The following EPB41L3 variants were observed in gnomAD, a reference collection of about 807,000 sequenced individuals.
EPB41L3 encodes the protein band 4.1-like protein 3.
EPB41L3 carries 57 observed loss-of-function variants against 127.1 expected under a neutral mutation model. The observed-to-expected ratio is 0.45, with a 90% CI of 0.36 to 0.56. The LOEUF (loss-of-function observed/expected upper bound fraction) is 0.56. Among genes scored for constraint, EPB41L3 ranks in the 20% least tolerant of loss-of-function variants. EPB41L3 has a pLI of 0.00. For missense variants in EPB41L3, 1,273 were observed against 1,372.2 expected (o/e 0.93, Z 1.14); for synonymous variants, 572 against 549.5 (o/e 1.04, Z -0.57).
chr18:5,585,344 C>T lies in EPB41L3; in HGVS notation c.-306+26996G>A, dbSNP rs899701729. 4.6e-5 allele frequency among the ~76,000 whole-genome samples: 7 copies of T among 152,064 alleles called. No homozygotes were observed. The East Asian group carries it at 1.4e-3, about 29-fold the overall frequency. ...GTTGTTGTTTTTTGTTTTTGAGTCG[C>T]CCAGGCTGGAGTGCCGTAGTGCGAT... On this transcript the variant is annotated intron_variant, in intron 3 of 21. Transcript: ENST00000545076.
intron 13 of EPB41L3, among the ~76,000 whole-genome samples, chr18:5,414,498 A>G (rs2076557804): frequency 1.3e-5 from 2 of 152,158 alleles, no homozygotes; most frequent in Non-Finnish European, 2.9e-5. Flanking sequence ...ATATAATACT[A>G]TATACTCACA....
chr18:5,501,858 A>G (rs982577258), intron 1 of EPB41L3, among the ~76,000 whole-genome samples: 2 of 152,170 alleles, frequency 1.3e-5, no homozygotes, highest in African/African-American at 4.8e-5. Flanking sequence ...CTGGCACACA[A>G]ATGAGTCGCC....
At chr18:5,447,237 T>C (rs533726397) in intron 3 of EPB41L3, among the ~76,000 whole-genome samples, 1 of 152,188 alleles carries the variant, frequency 6.6e-6, no homozygotes, top group Non-Finnish European at 1.5e-5. Context: ...AGTGGTGGCA[T>C]ATATTAAGCA....
Position 5,394,688 on chromosome 18 carries a change from C to T in EPB41L3, c.3259G>A (p.Asp1087Asn). 6.2e-7 allele frequency: 1 copy of T among 1,613,830 alleles called. No individual in the cohort carries two copies. Among genetic ancestry groups the T allele is most frequent in the South Asian group, 1.1e-5 (1 of 91,074 alleles). ...ETEITPEDGED is the reference protein window; with the variant it reads ...ETEITPEDGEN ...GCATCACCTCTTACCTCTGGTCAAT[C>T]CTCTCCATCTTCTGGTGTGATCTCT... The change falls in exon 22 of 23, where the codon GAT becomes AAT. Residue 1087 changes from aspartate to asparagine, a missense_variant. Physicochemically the swap from Asp to Asn is conservative, Grantham distance 23. This residue lies in a region of EPB41L3 where 765 missense variants were observed against 782.9 expected (regional missense o/e 0.98). Transcript: ENST00000341928.
intron 1 of EPB41L3, among the ~76,000 whole-genome samples, chr18:5,530,744 C>T (rs2093385153): frequency 6.6e-6 from 1 of 152,198 alleles, no homozygotes; most frequent in African/African-American, 2.4e-5. Flanking sequence ...ACACCACTCC[C>T]TCTCCGTCCA....
intron 2 of EPB41L3, among the ~76,000 whole-genome samples, chr18:5,488,151 C>A (rs1215696416): frequency 6.6e-6 from 1 of 151,972 alleles, no homozygotes; most frequent in Non-Finnish European, 1.5e-5. Context: ...CAAACATGTA[C>A]AGGGAAAAAG....
chr18:5,406,097 A>G (rs2075340549), intron 16 of EPB41L3, among the ~76,000 whole-genome samples: 1 of 151,968 alleles, frequency 6.6e-6, no homozygotes, highest in Non-Finnish European at 1.5e-5. Flanking sequence ...TTAAAAATAC[A>G]AAAATTAGCC....
chr18:5,427,921 A>G lies in EPB41L3; in HGVS notation c.1065+392T>C, dbSNP rs577555746. On this transcript the variant is annotated intron_variant, in intron 9 of 22. Transcript: ENST00000341928. ...CCACTACGCCCGGCTAATTTTTTGT[A>G]TATTTAGTAGAGATGGCATTTCACC... is the stretch of plus-strand genomic sequence containing the variant. Among the ~76,000 whole-genome samples the G allele has an allele frequency of 7.1e-4, 108 of 152,118 alleles. 4 individuals are homozygous for G. In the South Asian group the frequency reaches 0.022, roughly 31 times the overall value.
intron 6 of EPB41L3, 146 bp downstream of exon 6, chr18:5,437,889 T>G (rs1873551397): frequency 4.9e-6 from 3 of 614,466 alleles, no homozygotes; most frequent in Non-Finnish European, 8.3e-6. Flanking sequence ...CATCAGATGT[T>G]TGCTCTCGTT....
chr18:5,413,100 A>G lies in EPB41L3; in HGVS notation c.2068-2481T>C, dbSNP rs111990307. Among the ~76,000 whole-genome samples the G allele has an allele frequency of 3.6e-3, 549 of 152,254 alleles. 4 individuals are homozygous for G. Among genetic ancestry groups the G allele is most frequent in the African/African-American group, 0.013 (529 of 41,564 alleles). On this transcript the variant is annotated intron_variant, in intron 13 of 22. Transcript: ENST00000341928. ...CTATAATGTATGATGACTACATAAA[A>G]CTGCAAATATATAACATATCATAAA... is the stretch of plus-strand genomic sequence containing the variant.
chr18:5,540,256 A>G (rs1042389898), intron 1 of EPB41L3: 2 of 776,678 alleles, frequency 2.6e-6, no homozygotes, highest in East Asian at 2.6e-4. Flanking sequence ...AACAAACAAA[A>G]AACGTCTCCT....
At chr18:5,478,480 G>T in intron 2 of EPB41L3, 42 bp from the exon 3 acceptor site, 1 of 1,595,216 alleles carries the variant, frequency 6.3e-7, no homozygotes, top group South Asian at 1.1e-5. Context: ...TGCAAGGTGG[G>T]AAATAAATAT....
chr18:5,503,136 AAATTAT>A (rs1215596038), intron 1 of EPB41L3, among the ~76,000 whole-genome samples: 1 of 152,260 alleles, frequency 6.6e-6, no homozygotes, highest in East Asian at 1.9e-4. Context: ...AATAGTAGTC[AAATTAT>A]ATTTATCACT....
At chr18:5,606,920 C>G (rs1282789562) in intron 3 of EPB41L3, among the ~76,000 whole-genome samples, 4 of 151,118 alleles carry the variant, frequency 2.6e-5, no homozygotes, top group Non-Finnish European at 5.9e-5. Flanking sequence ...CTCTCTGTCT[C>G]TCTCTCTCTC....
chr18:5,485,482 A>T (rs1321544453), intron 2 of EPB41L3, among the ~76,000 whole-genome samples: 3 of 152,054 alleles, frequency 2.0e-5, no homozygotes, highest in African/African-American at 7.2e-5. Context: ...TAATACTGGA[A>T]GTCCTGGCTG....
chr18:5,522,416 G>A (rs1189591720), intron 1 of EPB41L3, among the ~76,000 whole-genome samples: 1 of 152,082 alleles, frequency 6.6e-6, no homozygotes, highest in East Asian at 1.9e-4. Flanking sequence ...GAGCCGCTAA[G>A]CCTGGCCGCC....
intron 1 of EPB41L3, among the ~76,000 whole-genome samples, chr18:5,504,850 T>C (rs1408184192): frequency 2.6e-5 from 4 of 152,140 alleles, no homozygotes; most frequent in African/African-American, 9.7e-5. Flanking sequence ...TCAACAGTCA[T>C]GAATGACCCA....
chr18:5,553,839 A>T (rs2093997706), intron 3 of EPB41L3, among the ~76,000 whole-genome samples: 1 of 152,150 alleles, frequency 6.6e-6, no homozygotes, highest in Non-Finnish European at 1.5e-5. Flanking sequence ...GGTAAAACAT[A>T]AGCCAGATCA....
chr18:5,588,412 C>T (rs557728323), intron 3 of EPB41L3, among the ~76,000 whole-genome samples: 13 of 151,952 alleles, frequency 8.6e-5, no homozygotes, highest in Admixed American at 7.2e-4. Context: ...CGTTTTAATA[C>T]ACAAACTACA....
Sources: gnomAD v4.1 joint callset for allele counts (sites outside exome capture counted in the v4.1 genomes callset) on GRCh38, gnomAD v4.1.1 for gene constraint, gnomAD v4.1.1 regional missense constraint, MANE v1.5 for transcripts, NCBI Gene and HGNC (gene_info 2026-07-23, HGNC 2026-07-21) for gene names.